Variants in CNTNAP2 observed in about 807,000 individuals in gnomAD.
CNTNAP2 encodes contactin-associated protein-like 2.
Under a neutral mutation model 155.2 loss-of-function variants are expected in CNTNAP2, and 98 were observed. The ratio of observed to expected loss-of-function variants is 0.63; its 90% confidence interval spans 0.54 to 0.75. CNTNAP2 has a LOEUF of 0.75. Among genes scored for constraint, CNTNAP2 ranks in the 30% least tolerant of loss-of-function variants. CNTNAP2 has a pLI of 0.00. For missense variants in CNTNAP2, 1,727 were observed against 1,688.1 expected, an observed-to-expected ratio of 1.02 and a Z score of -0.40; for synonymous variants, 651 against 631.2, an observed-to-expected ratio of 1.03 and a Z score of -0.47.
intron 8 of CNTNAP2, among the ~76,000 whole-genome samples, chr7:147,282,980 CA>C (rs1805078624): frequency 6.6e-6 from 1 of 151,866 alleles, no homozygotes; most frequent in African/African-American, 2.4e-5. Flanking sequence ...AAGTCACCTT[CA>C]AAAATTTTAT....
At chr7:147,851,475 A>G (rs935509089) in intron 13 of CNTNAP2, among the ~76,000 whole-genome samples, 3 of 152,198 alleles carry the variant, frequency 2.0e-5, no homozygotes, top group East Asian at 1.9e-4. Context: ...ATGCACACGT[A>G]TGTTTATTGC....
At chr7:147,616,096 T>C (rs559698184) in intron 12 of CNTNAP2, among the ~76,000 whole-genome samples, 1 of 152,174 alleles carries the variant, frequency 6.6e-6, no homozygotes. Flanking sequence ...ATCCAAAACA[T>C]GACCAGATCT....
chr7:148,201,232 T>C (rs1795365304), intron 18 of CNTNAP2, among the ~76,000 whole-genome samples: 1 of 152,182 alleles, frequency 6.6e-6, no homozygotes, highest in Non-Finnish European at 1.5e-5. Flanking sequence ...TCGCTAAATA[T>C]CATGACTAAA....
At chr7:146,737,687 G>C (rs1246740202) in intron 1 of CNTNAP2, among the ~76,000 whole-genome samples, 1 of 151,928 alleles carries the variant, frequency 6.6e-6, no homozygotes, top group Non-Finnish European at 1.5e-5. Flanking sequence ...TCATATACCT[G>C]TTGGCCATTT....
rs1563203104 is a variant in CNTNAP2, at chr7:146,721,062, C to CTATATTCTA, written c.98-53204_98-53203insTCTATATAT. On this transcript the variant is annotated intron_variant, in intron 1 of 23. Transcript: ENST00000361727. ...ATATTCTATATATATACTCTATATTCTATATATATACTCTATATATATACT... is the reference window on the plus strand; with the variant it reads ...ATATTCTATATATATACTCTATATTCTATATTCTATATATATATACTCTATATATATACT... Among the ~76,000 whole-genome samples, 584 of 80,870 alleles carry CTATATTCTA rather than the reference C, an allele frequency of 7.2e-3. 7 individuals carry two copies. The African/African-American group carries it at 0.085, about 12-fold the overall frequency. 53.1% of individuals were successfully genotyped at this position (80,870 alleles called of 152,430 possible).
chr7:147,794,105 T>C (rs59689451), intron 13 of CNTNAP2, among the ~76,000 whole-genome samples: 42 of 152,136 alleles, frequency 2.8e-4, no homozygotes, highest in African/African-American at 8.7e-4. Context: ...TTTAGATAAA[T>C]AATTTTAATT....
At chr7:147,961,097 A>G (rs2708280) in intron 14 of CNTNAP2, among the ~76,000 whole-genome samples, 122,739 of 151,572 alleles carry the variant, frequency 0.81, 50,657 homozygotes, top group South Asian at 0.92. Context: ...GTCTCCCCTC[A>G]CATCTGACCT....
At chr7:147,928,585 T>C (rs1800439279) in intron 14 of CNTNAP2, among the ~76,000 whole-genome samples, 1 of 152,132 alleles carries the variant, frequency 6.6e-6, no homozygotes, top group African/African-American at 2.4e-5. Context: ...AAACAATCTA[T>C]AGGCTAGAGT....
intron 3 of CNTNAP2, among the ~76,000 whole-genome samples, chr7:146,931,813 A>C (rs1796764623): frequency 6.6e-6 from 1 of 151,958 alleles, no homozygotes; most frequent in Non-Finnish European, 1.5e-5. Flanking sequence ...AAACACCTCT[A>C]CGCAAATAAA....
At chr7:148,030,669 C>G (rs1350155383) in intron 15 of CNTNAP2, among the ~76,000 whole-genome samples, 1 of 129,546 alleles carries the variant, frequency 7.7e-6, no homozygotes. Context: ...TTATCCAGCT[C>G]TTTTTTTTTT....
At chr7:146,545,448 C>T (rs1377672073) in intron 1 of CNTNAP2, among the ~76,000 whole-genome samples, 5 of 151,728 alleles carry the variant, frequency 3.3e-5, no homozygotes, top group African/African-American at 4.8e-5. Flanking sequence ...CCCATCAACC[C>T]ATCATCTACA....
chr7:147,478,901 CT>C (rs1798370108), intron 10 of CNTNAP2, among the ~76,000 whole-genome samples: 1 of 152,208 alleles, frequency 6.6e-6, no homozygotes, highest in Non-Finnish European at 1.5e-5. Flanking sequence ...TGACTCTTTC[CT>C]TCTTGATCCT....
At chr7:148,271,257 T>G (rs963704145) in intron 21 of CNTNAP2, among the ~76,000 whole-genome samples, 7 of 152,370 alleles carry the variant, frequency 4.6e-5, no homozygotes, top group Non-Finnish European at 7.3e-5. Flanking sequence ...AGTTTTCTTC[T>G]TAAAGTGGGG....
chr7:146,496,775 A>G (rs1385562576), intron 1 of CNTNAP2, among the ~76,000 whole-genome samples: 1 of 152,226 alleles, frequency 6.6e-6, no homozygotes, highest in Non-Finnish European at 1.5e-5. Flanking sequence ...ATTTGAGAAT[A>G]ACAGCCAAAT....
chr7:147,696,619 A>G (rs1796165757), intron 13 of CNTNAP2, among the ~76,000 whole-genome samples: 1 of 151,664 alleles, frequency 6.6e-6, no homozygotes, highest in Admixed American at 6.6e-5. Context: ...ATGTAGATCT[A>G]GTTTCTGACC....
chr7:147,718,427 C>T (rs1167667799), intron 13 of CNTNAP2, among the ~76,000 whole-genome samples: 1 of 151,976 alleles, frequency 6.6e-6, no homozygotes, highest in Non-Finnish European at 1.5e-5. Context: ...ATGTATTCTG[C>T]CTGGTTTTAA....
intron 1 of CNTNAP2, among the ~76,000 whole-genome samples, chr7:146,286,007 T>C (rs1362513554): frequency 9.9e-6 from 1 of 100,930 alleles, no homozygotes; most frequent in Non-Finnish European, 1.9e-5. Flanking sequence ...TGTGTGTGTG[T>C]GTGTGTGTGT....
At chr7:148,106,493 G>GATAGATATATATAT (rs1490418389) in intron 15 of CNTNAP2, among the ~76,000 whole-genome samples, 1 of 124,926 alleles carries the variant, frequency 8.0e-6, no homozygotes, top group African/African-American at 3.5e-5. Flanking sequence ...CACACTTTGA[G>GATAGATATATATAT]ATATATATAT....
At chr7:148,313,528 G>C (rs1345715928) in intron 21 of CNTNAP2, among the ~76,000 whole-genome samples, 1 of 152,146 alleles carries the variant, frequency 6.6e-6, no homozygotes, top group East Asian at 1.9e-4. Flanking sequence ...GCTCCCGGGG[G>C]AGAAGGTTCT....
Sources: gnomAD v4.1 joint callset for allele counts (sites outside exome capture counted in the v4.1 genomes callset) on GRCh38, gnomAD v4.1.1 for gene constraint, MANE v1.5 for transcripts, NCBI Gene and HGNC (gene_info 2026-07-23, HGNC 2026-07-21) for gene names.